Variants in POU6F2 observed in about 807,000 individuals in gnomAD.
The protein encoded by POU6F2 is POU domain, class 6, transcription factor 2.
In POU6F2, 31 loss-of-function variants were observed where a neutral mutation model predicts 71.3. That is an observed-to-expected ratio of 0.43 (90% confidence interval 0.33 to 0.59). The LOEUF (loss-of-function observed/expected upper bound fraction) is 0.59. POU6F2 is among the 20% of genes least tolerant of loss of function. The probability of loss-of-function intolerance (pLI) is 0.04; values close to 1 mark genes in which losing one functional copy is unlikely to be tolerated. For missense variants in POU6F2, 783 were observed against 856.8 expected (o/e 0.91, Z 1.07); for synonymous variants, 347 against 355.7 (o/e 0.98, Z 0.27).
intron 4 of POU6F2, among the ~76,000 whole-genome samples, chr7:39,250,208 C>T (rs1477047434): frequency 6.6e-6 from 1 of 152,214 alleles, no homozygotes; most frequent in African/African-American, 2.4e-5. Flanking sequence ...ATCTTATCAT[C>T]TGCACCCACT....
intron 2 of POU6F2, among the ~76,000 whole-genome samples, chr7:39,123,475 T>C (rs1462821284): frequency 6.6e-6 from 1 of 152,250 alleles, no homozygotes; most frequent in Non-Finnish European, 1.5e-5. Context: ...TTCTTTGGTT[T>C]GTGCCTGAAT....
chr7:39,129,591 T>G (rs1792212902), intron 2 of POU6F2, among the ~76,000 whole-genome samples: 1 of 151,786 alleles, frequency 6.6e-6, no homozygotes, highest in African/African-American at 2.4e-5. Context: ...CAATTTTTTT[T>G]CATGTGTCCA....
At chr7:39,280,540 G>A (rs1419692810) in intron 4 of POU6F2, among the ~76,000 whole-genome samples, 1 of 152,164 alleles carries the variant, frequency 6.6e-6, no homozygotes, top group East Asian at 1.9e-4. Context: ...TGCTGAAGAG[G>A]CAATTACAGC....
intron 1 of POU6F2, among the ~76,000 whole-genome samples, chr7:39,068,892 A>G (rs1438987024): frequency 6.6e-6 from 1 of 152,114 alleles, no homozygotes. Context: ...TTAAAAGCAT[A>G]GATTGCTGAG....
At chr7:39,126,744 G>C (rs563887337) in intron 2 of POU6F2, among the ~76,000 whole-genome samples, 8 of 152,106 alleles carry the variant, frequency 5.3e-5, no homozygotes, top group African/African-American at 1.4e-4. Flanking sequence ...AACCAATAGC[G>C]TATGTAATTT....
chr7:39,268,199 T>C (rs1215779458), intron 4 of POU6F2, among the ~76,000 whole-genome samples: 3 of 152,128 alleles, frequency 2.0e-5, no homozygotes, highest in African/African-American at 7.2e-5. Flanking sequence ...TTGACTGTGA[T>C]TTTGTTGCTG....
intron 5 of POU6F2, among the ~76,000 whole-genome samples, chr7:39,378,282 C>T (rs1205020888): frequency 6.6e-6 from 1 of 152,218 alleles, no homozygotes; most frequent in Non-Finnish European, 1.5e-5. Flanking sequence ...TCTGTCCCCA[C>T]TGCCACCATC....
chr7:39,037,471 G>C (rs1790091779), intron 1 of POU6F2, among the ~76,000 whole-genome samples: 1 of 151,476 alleles, frequency 6.6e-6, no homozygotes, highest in South Asian at 2.1e-4. Flanking sequence ...ACCCAAACTG[G>C]CTTTTCTTTG....
At chr7:39,149,361 T>A (rs185320893) in intron 2 of POU6F2, among the ~76,000 whole-genome samples, 17 of 152,348 alleles carry the variant, frequency 1.1e-4, no homozygotes, top group Non-Finnish European at 5.9e-5. Flanking sequence ...TAAGCATTAA[T>A]ATCCAGTGTT....
At chr7:39,378,828 T>G (rs922031435) in intron 5 of POU6F2, among the ~76,000 whole-genome samples, 1 of 152,240 alleles carries the variant, frequency 6.6e-6, no homozygotes. Flanking sequence ...GCAATTCATG[T>G]GCATATAGAA....
At chr7:39,069,061 GAA>G (rs1388331311) in intron 1 of POU6F2, among the ~76,000 whole-genome samples, 5 of 152,118 alleles carry the variant, frequency 3.3e-5, no homozygotes, top group Non-Finnish European at 7.3e-5. Flanking sequence ...ACAGAATATA[GAA>G]CCTCTGCGAC....
chr7:39,393,830 G>T (rs562463467), intron 5 of POU6F2, among the ~76,000 whole-genome samples: 2 of 152,268 alleles, frequency 1.3e-5, no homozygotes, highest in Admixed American at 1.3e-4. Context: ...ATAAAACAAA[G>T]ATATTATGCA....
chr7:39,012,144 A>G (rs1326027118), intron 1 of POU6F2, among the ~76,000 whole-genome samples: 52 of 143,854 alleles, frequency 3.6e-4, no homozygotes, highest in South Asian at 4.4e-4. Flanking sequence ...CATTCTCCCC[A>G]TCACTTTCAG....
At chr7:39,061,621 G>A (rs62442184) in intron 1 of POU6F2, among the ~76,000 whole-genome samples, 16,334 of 151,844 alleles carry the variant, frequency 0.11, 946 homozygotes, top group Middle Eastern at 0.16. Context: ...AATCTTGTTT[G>A]TTAATATCAC....
intron 2 of POU6F2, among the ~76,000 whole-genome samples, chr7:39,096,954 AAT>A (rs1436935084): frequency 6.6e-6 from 1 of 151,858 alleles, no homozygotes; most frequent in Non-Finnish European, 1.5e-5. Flanking sequence ...AGGTGAAACA[AAT>A]ATATATGTGG....
intron 4 of POU6F2, among the ~76,000 whole-genome samples, chr7:39,231,208 G>A (rs1041629108): frequency 6.6e-6 from 1 of 152,220 alleles, no homozygotes; most frequent in Non-Finnish European, 1.5e-5. Context: ...CAATCTGAAA[G>A]TGTAAGTGTG....
rs761160637 is a variant in POU6F2 at position 39,291,961 on chromosome 7, T to TG, written c.599-47681_599-47680insG. Among the ~76,000 whole-genome samples, 703 of 146,628 alleles carry TG rather than the reference T, an allele frequency of 4.8e-3. 1 individual carries two copies. The highest frequency in any genetic ancestry group is 0.013 in the African/African-American group (538 of 40,052). ...TTCCCTTTACCTTTTTTTTTTTTTT[T>TG]AATACATGGTCCAAGAAGATAAATG... On this transcript the variant is annotated intron_variant, in intron 4 of 9. Transcript: ENST00000518318.
chr7:39,064,357 G>A (rs1384161108), intron 1 of POU6F2, among the ~76,000 whole-genome samples: 1 of 151,738 alleles, frequency 6.6e-6, no homozygotes, highest in Non-Finnish European at 1.5e-5. Flanking sequence ...TATGAGAGTT[G>A]AAAATGAAAA....
At chr7:39,015,389 AG>A (rs1159544695) in intron 1 of POU6F2, among the ~76,000 whole-genome samples, 2 of 129,560 alleles carry the variant, frequency 1.5e-5, no homozygotes, top group Non-Finnish European at 3.1e-5. Flanking sequence ...AATATATAAT[AG>A]ATATATATTA....
Sources: allele counts gnomAD v4.1 joint callset (sites outside exome capture counted in the v4.1 genomes callset), GRCh38; gene constraint gnomAD v4.1.1; transcripts MANE v1.5; gene names NCBI Gene and HGNC (gene_info 2026-07-23, HGNC 2026-07-21).